The following YPEL2 variants were observed in gnomAD, a reference collection of about 807,000 sequenced individuals.
YPEL2 encodes yippee like 2.
A neutral mutation model predicts 19.1 loss-of-function variants in YPEL2; 2 were observed. The observed-to-expected ratio is 0.10, with a 90% CI of 0.04 to 0.33. The LOEUF (loss-of-function observed/expected upper bound fraction) is 0.33. Among genes scored for constraint, YPEL2 ranks in the 10% least tolerant of loss-of-function variants. The probability of loss-of-function intolerance (pLI) is 1.00; values close to 1 mark genes in which losing one functional copy is unlikely to be tolerated. For synonymous variants in YPEL2, 52 were observed against 50.0 expected (o/e 1.04, Z -0.17); for missense variants, 66 against 140.7 (o/e 0.47, Z 2.68).
chr17:59,394,119 C>T (rs1408885582), intron 4 of YPEL2, among the ~76,000 whole-genome samples: 6 of 150,718 alleles, frequency 4.0e-5, no homozygotes, highest in East Asian at 4.0e-4. Flanking sequence ...ACCTCCCGGA[C>T]GCGGCAGCTG....
chr17:59,344,320 C>A (rs2047745716), intron 1 of YPEL2, among the ~76,000 whole-genome samples: 1 of 152,052 alleles, frequency 6.6e-6, no homozygotes, highest in Admixed American at 6.5e-5. Flanking sequence ...AGAAGCACTG[C>A]CAAGAACGAT....
At chr17:59,373,338 C>T (rs529547197) in intron 2 of YPEL2, among the ~76,000 whole-genome samples, 14 of 152,210 alleles carry the variant, frequency 9.2e-5, no homozygotes, top group African/African-American at 3.1e-4. Context: ...AGTAGGTTGC[C>T]GGGGGCTTCT....
chr17:59,383,192 T>C (rs2047958522), intron 2 of YPEL2, among the ~76,000 whole-genome samples: 1 of 152,148 alleles, frequency 6.6e-6, no homozygotes. Flanking sequence ...ATTTTATTTT[T>C]ATATTTACAT....
chr17:59,367,109 C>A (rs979763333), intron 2 of YPEL2, among the ~76,000 whole-genome samples: 1 of 152,168 alleles, frequency 6.6e-6, no homozygotes, highest in East Asian at 1.9e-4. Context: ...GACTTTTGTT[C>A]GAGGCTCAGC....
chr17:59,367,623 G>C (rs1408361696), intron 2 of YPEL2, among the ~76,000 whole-genome samples: 3 of 152,198 alleles, frequency 2.0e-5, no homozygotes, highest in Non-Finnish European at 4.4e-5. Flanking sequence ...AATGGGTGTT[G>C]GAGAAATAGG....
At chr17:59,379,393 C>A (rs919299083) in intron 2 of YPEL2, among the ~76,000 whole-genome samples, 1 of 152,186 alleles carries the variant, frequency 6.6e-6, no homozygotes, top group African/African-American at 2.4e-5. Flanking sequence ...ACTGATCTGA[C>A]CCTTCCCTGC....
intron 2 of YPEL2, among the ~76,000 whole-genome samples, chr17:59,371,677 C>G (rs1029438863): frequency 6.6e-6 from 1 of 152,134 alleles, no homozygotes; most frequent in Admixed American, 6.5e-5. Flanking sequence ...GGAGAAGGAG[C>G]CAGTGGACAG....
intron 2 of YPEL2, among the ~76,000 whole-genome samples, chr17:59,373,813 C>G (rs1255152648): frequency 6.6e-6 from 1 of 152,194 alleles, no homozygotes; most frequent in Non-Finnish European, 1.5e-5. Context: ...AAGTCAGGCA[C>G]TTGCGTTGGC....
At chr17:59,336,537 C>G (rs1486945025) in intron 1 of YPEL2, among the ~76,000 whole-genome samples, 3 of 152,186 alleles carry the variant, frequency 2.0e-5, no homozygotes, top group Non-Finnish European at 4.4e-5. Context: ...CTAAAATTCT[C>G]TAAATCTTTG....
intron 2 of YPEL2, chr17:59,355,418 C>T (rs1241668758): frequency 2.6e-5 from 4 of 152,200 alleles, no homozygotes; most frequent in Non-Finnish European, 4.4e-5. Context: ...GCCTGGCATA[C>T]AAGGCCTTTG....
At chr17:59,373,782 C>T (rs2047907912) in intron 2 of YPEL2, among the ~76,000 whole-genome samples, 1 of 152,162 alleles carries the variant, frequency 6.6e-6, no homozygotes, top group African/African-American at 2.4e-5. Flanking sequence ...GATGATTTTC[C>T]AATGCTTGAT....
Position 59,372,643 on chromosome 17 carries a change from A to T in YPEL2, c.118-15684A>T, listed in dbSNP as rs897880816. Among the ~76,000 whole-genome samples the T allele has an allele frequency of 6.6e-5, 10 of 152,270 alleles. 1 individual carries two copies. The highest frequency in any genetic ancestry group is 3.9e-4 in the East Asian group (2 of 5,174). On this transcript the variant is annotated intron_variant, in intron 2 of 4. Transcript: ENST00000312655. ...GTAAGGAAATATTTGTGCATTGAAG[A>T]GTGATAAGAATGCCCTGTGTTTAGA...
intron 2 of YPEL2, among the ~76,000 whole-genome samples, chr17:59,383,593 AAAAAAAAAAAAAAAAAATATAT>A (rs1567756659): frequency 2.9e-4 from 15 of 52,414 alleles, no homozygotes; most frequent in African/African-American, 1.4e-3. Context: ...AAAAAAAAAA[AAAAAAAAAAAAAAAAAATATAT>A]ATATATATAT....
At position 59,362,003 on chromosome 17, in the gene YPEL2, A is replaced by G. The variant is rs563810246; in HGVS notation, c.117+8477A>G. On this transcript the variant is annotated intron_variant, in intron 2 of 4. Transcript: ENST00000312655. ...TGAAAACATTAAAGGTGTAGGTAGA[A>G]GCCAGATTATTAGAAGAATAGAAGC... Among the ~76,000 whole-genome samples, 5 of 152,324 alleles carry G rather than the reference A, an allele frequency of 3.3e-5. No individual in the cohort carries two copies. In the South Asian group the frequency reaches 8.3e-4, roughly 25 times the overall value.
At chr17:59,359,182 C>A (rs1223081729) in intron 2 of YPEL2, among the ~76,000 whole-genome samples, 1 of 149,764 alleles carries the variant, frequency 6.7e-6, no homozygotes, top group Non-Finnish European at 1.5e-5. Context: ...CCTTAGCCTC[C>A]CAAAGTGTTG....
intron 2 of YPEL2, among the ~76,000 whole-genome samples, chr17:59,367,194 G>A (rs770949127): frequency 2.6e-5 from 4 of 152,158 alleles, no homozygotes; most frequent in Admixed American, 6.5e-5. Flanking sequence ...CAGGCCATGT[G>A]CTAGGTGTTG....
chr17:59,385,639 A>T (rs1244032729), intron 2 of YPEL2, among the ~76,000 whole-genome samples: 3 of 152,178 alleles, frequency 2.0e-5, no homozygotes, highest in Admixed American at 2.0e-4. Flanking sequence ...CTATGGATCT[A>T]TAAGTGGTAA....
At chr17:59,363,311 C>CTT (rs561707297) in intron 2 of YPEL2, 10 of 135,218 alleles carry the variant, frequency 7.4e-5, no homozygotes, top group South Asian at 2.4e-4. Flanking sequence ...TTTTTTTTTT[C>CTT]TTTTTTTTTT....
intron 2 of YPEL2, among the ~76,000 whole-genome samples, chr17:59,369,239 A>G (rs1023212717): frequency 3.3e-5 from 5 of 152,256 alleles, no homozygotes; most frequent in African/African-American, 1.2e-4. Context: ...GAGGTTTGGA[A>G]TACGGCCAAG....
Sources: gnomAD v4.1 joint callset for allele counts (sites outside exome capture counted in the v4.1 genomes callset) on GRCh38, gnomAD v4.1.1 for gene constraint, MANE v1.5 for transcripts, NCBI Gene and HGNC (gene_info 2026-07-23, HGNC 2026-07-21) for gene names.